ZMIZ1: variants seen among roughly 807,000 people sequenced by gnomAD.
ZMIZ1 encodes the protein zinc finger MIZ-type containing 1.
Under a neutral mutation model 113.9 loss-of-function variants are expected in ZMIZ1, and 17 were observed. That is an observed-to-expected ratio of 0.15 (90% CI 0.10 to 0.22). ZMIZ1 has a LOEUF of 0.22. Ranked by LOEUF, ZMIZ1 falls within the 10% of genes least tolerant of loss-of-function variation. The pLI is 1.00. For synonymous variants in ZMIZ1, 607 were observed against 603.1 expected, an observed-to-expected ratio of 1.01 and a Z score of -0.09; for missense variants, 1,059 against 1,477.8, an observed-to-expected ratio of 0.72 and a Z score of 4.65.
chr10:79,116,351 G>C (rs1170267496), intron 1 of ZMIZ1, among the ~76,000 whole-genome samples: 2 of 152,064 alleles, frequency 1.3e-5, no homozygotes, highest in Non-Finnish European at 2.9e-5. Context: ...GGAGAACTCC[G>C]AGAGCTGCAG....
intron 7 of ZMIZ1, among the ~76,000 whole-genome samples, chr10:79,218,424 A>G (rs777632887): frequency 6.8e-4 from 103 of 152,076 alleles, no homozygotes; most frequent in Non-Finnish European, 1.2e-3. Context: ...GCAGTGAGTC[A>G]AGATCGAGCC....
At chr10:79,302,680 G>GTTTTTTTTT (rs1854386209) in intron 18 of ZMIZ1, among the ~76,000 whole-genome samples, 1 of 76,772 alleles carries the variant, frequency 1.3e-5, no homozygotes, top group South Asian at 5.2e-4. Context: ...AACAGCTCAT[G>GTTTTTTTTT]CTTTTTTTTT....
intron 5 of ZMIZ1, 49 bp downstream of exon 5, chr10:79,201,741 C>A: frequency 6.3e-7 from 1 of 1,598,534 alleles, no homozygotes; most frequent in Non-Finnish European, 8.5e-7. Flanking sequence ...ATGGGGCGGG[C>A]TGCAGCAGCA....
intron 2 of ZMIZ1, among the ~76,000 whole-genome samples, chr10:79,131,769 G>A (rs1266680343): frequency 2.6e-5 from 4 of 152,326 alleles, no homozygotes; most frequent in South Asian, 2.1e-4. Context: ...GGCCAGGGCT[G>A]GAATGTCATC....
intron 1 of ZMIZ1, among the ~76,000 whole-genome samples, chr10:79,115,222 C>T (rs984905167): frequency 6.6e-6 from 1 of 152,204 alleles, no homozygotes; most frequent in African/African-American, 2.4e-5. Flanking sequence ...AAGGCATACT[C>T]TAGTCTAGAG....
At chr10:79,241,392 TC>T (rs1217558857) in intron 7 of ZMIZ1, among the ~76,000 whole-genome samples, 1 of 151,964 alleles carries the variant, frequency 6.6e-6, no homozygotes, top group African/African-American at 2.4e-5. Context: ...TAAATGACTG[TC>T]CCCAAAGAAG....
chr10:79,195,498 C>G (rs1266430543), intron 4 of ZMIZ1, among the ~76,000 whole-genome samples: 1 of 152,200 alleles, frequency 6.6e-6, no homozygotes, highest in East Asian at 1.9e-4. Context: ...CCCGGCCTCT[C>G]CGGCTATAGA....
At chr10:79,280,199 G>A (rs993945323) in intron 8 of ZMIZ1, among the ~76,000 whole-genome samples, 7 of 151,954 alleles carry the variant, frequency 4.6e-5, no homozygotes, top group East Asian at 1.9e-4. Context: ...GGCTGGTCTC[G>A]AACTCCTAAG....
intron 1 of ZMIZ1, among the ~76,000 whole-genome samples, chr10:79,070,547 A>C (rs1208543715): frequency 8.9e-4 from 132 of 147,840 alleles, no homozygotes; most frequent in East Asian, 1.6e-3. Flanking sequence ...CGGGCCCCCC[A>C]CCCCTCCCCG....
At chr10:79,078,562 AC>A (rs1842553433) in intron 1 of ZMIZ1, among the ~76,000 whole-genome samples, 1 of 77,614 alleles carries the variant, frequency 1.3e-5, no homozygotes, top group Non-Finnish European at 2.5e-5. Context: ...GACACCACCC[AC>A]CCCCGACTTT....
At chr10:79,258,306 C>T (rs1037953071) in intron 7 of ZMIZ1, among the ~76,000 whole-genome samples, 8 of 152,170 alleles carry the variant, frequency 5.3e-5, no homozygotes, top group South Asian at 2.1e-4. Context: ...ATAGCTTGAG[C>T]CCAGGAGGTC....
intron 4 of ZMIZ1, among the ~76,000 whole-genome samples, chr10:79,176,109 G>T (rs1450385031): frequency 6.6e-6 from 1 of 152,048 alleles, no homozygotes; most frequent in Admixed American, 6.5e-5. Flanking sequence ...GGAGGGAGGG[G>T]ATGGGGCAGC....
chr10:79,110,728 C>T (rs1410209463), intron 1 of ZMIZ1, among the ~76,000 whole-genome samples: 1 of 152,200 alleles, frequency 6.6e-6, no homozygotes, highest in Non-Finnish European at 1.5e-5. Flanking sequence ...GAAAGAAGGC[C>T]CACAGGGGAA....
intron 8 of ZMIZ1, among the ~76,000 whole-genome samples, chr10:79,282,131 A>G (rs1475901835): frequency 1.3e-5 from 2 of 152,236 alleles, no homozygotes; most frequent in African/African-American, 4.8e-5. Context: ...TTCCAGGGAA[A>G]CTGCAACGGG....
intron 1 of ZMIZ1, among the ~76,000 whole-genome samples, chr10:79,110,263 G>C (rs1430037542): frequency 6.6e-6 from 1 of 152,224 alleles, no homozygotes; most frequent in Non-Finnish European, 1.5e-5. Context: ...GTGGAGCTTA[G>C]CACAGAGCTT....
At chr10:79,164,404 TTGAGTGAGTGAG>T (rs67735676) in intron 4 of ZMIZ1, among the ~76,000 whole-genome samples, 15 of 151,396 alleles carry the variant, frequency 9.9e-5, no homozygotes, top group South Asian at 8.4e-4. Flanking sequence ...ATTCTGTTAA[TTGAGTGAGTGAG>T]TGAGTGAGTG....
At chr10:79,087,005 C>T (rs887262283) in intron 1 of ZMIZ1, among the ~76,000 whole-genome samples, 5 of 152,182 alleles carry the variant, frequency 3.3e-5, no homozygotes, top group African/African-American at 1.2e-4. Context: ...GTAAACACTG[C>T]TTTGGTTGTT....
chr10:79,259,244 G>T (rs577894251), intron 7 of ZMIZ1, among the ~76,000 whole-genome samples: 22 of 152,258 alleles, frequency 1.4e-4, no homozygotes, highest in East Asian at 5.8e-4. Flanking sequence ...GGGAAGGGGG[G>T]GCTGGAGCTC....
At chr10:79,292,610 G>A (rs1853569066) in intron 11 of ZMIZ1, among the ~76,000 whole-genome samples, 1 of 152,116 alleles carries the variant, frequency 6.6e-6, no homozygotes, top group Non-Finnish European at 1.5e-5. Context: ...TCTGTGTGTT[G>A]GTGGCTCATG....
Sources: allele counts gnomAD v4.1 joint callset (sites outside exome capture counted in the v4.1 genomes callset), GRCh38; gene constraint gnomAD v4.1.1; transcripts MANE v1.5; gene names NCBI Gene and HGNC (gene_info 2026-07-23, HGNC 2026-07-21).